Variants in MB observed in about 807,000 individuals in gnomAD.
MB encodes nitrite reductase MB.
Under a neutral mutation model 14.5 loss-of-function variants are expected in MB, and 10 were observed. The observed-to-expected ratio is 0.69, with a 90% CI of 0.43 to 1.17. MB has a LOEUF of 1.17. MB is among the 50% of genes most tolerant of loss of function. The pLI, the probability that MB is intolerant of heterozygous loss-of-function variation, is 0.00. For synonymous variants in MB, 89 were observed against 78.6 expected (o/e 1.13, Z -0.70); for missense variants, 169 against 192.7 (o/e 0.88, Z 0.73).
upstream of MB, chr22:35,617,510 T>C: frequency 1.9e-6 from 1 of 525,082 alleles, no homozygotes; most frequent in Non-Finnish European, 3.4e-6. Flanking sequence ...GGTGCCATTG[T>C]GGCGAGGCAG....
At position 35,607,221 on chromosome 22, in the gene MB, T is replaced by C. The variant is rs112163681; in HGVS notation, c.*76A>G. 6.7e-7 allele frequency: 1 copy of C among 1,500,162 alleles called. No individual in the cohort carries two copies. The allele number at this position is 1,500,162 out of a possible 1,614,324, so 92.9% of individuals were successfully genotyped here. ...AGCAGACACTCAGAAGCAAACTCTATATGGCTACACGAGATCAGACCCCGC... is the reference window on the plus strand; with the variant it reads ...AGCAGACACTCAGAAGCAAACTCTACATGGCTACACGAGATCAGACCCCGC... On this transcript the variant is annotated 3_prime_UTR_variant, in exon 3 of 3. Coordinates refer to ENST00000397326, the MANE Select transcript of MB (RefSeq NM_005368.3).
upstream of MB, among the ~76,000 whole-genome samples, chr22:35,618,234 G>A (rs1055428702): frequency 6.6e-6 from 1 of 152,190 alleles, no homozygotes; most frequent in Non-Finnish European, 1.5e-5. Flanking sequence ...TGGCAGAGTT[G>A]GGATTTGAAC....
At chr22:35,622,567 G>T (rs1266400510) in intron 1 of MB, 1 of 152,458 alleles carries the variant, frequency 6.6e-6, no homozygotes, top group East Asian at 1.9e-4. Flanking sequence ...ATAGCAGCCG[G>T]GGAGAGGCAC....
At chr22:35,609,980 T>C (rs1337629698) in intron 2 of MB, among the ~76,000 whole-genome samples, 1 of 152,180 alleles carries the variant, frequency 6.6e-6, no homozygotes, top group Non-Finnish European at 1.5e-5. Context: ...GCTCTTGCAG[T>C]CATTTTGGCC....
upstream of MB, among the ~76,000 whole-genome samples, chr22:35,618,856 A>G (rs1036777227): frequency 2.0e-5 from 3 of 148,484 alleles, no homozygotes; most frequent in African/African-American, 7.5e-5. Flanking sequence ...TTATCCCTCC[A>G]TTCATCATCC....
At chr22:35,607,627 AG>A (rs1247313452) in intron 2 of MB, among the ~76,000 whole-genome samples, 184 bp from the exon 3 acceptor site, 1 of 152,206 alleles carries the variant, frequency 6.6e-6, no homozygotes, top group Non-Finnish European at 1.5e-5. Flanking sequence ...AACCACTGTG[AG>A]ATAGATACTA....
chr22:35,611,210 T>C (rs746485767), intron 1 of MB, 104 bp from the exon 2 acceptor site: 150 of 793,796 alleles, frequency 1.9e-4, no homozygotes, highest in Admixed American at 4.4e-4. Flanking sequence ...CCCAGCTGTG[T>C]GACCTTGGGC....
At chr22:35,622,595 G>A (rs1273593855) in intron 1 of MB, 1 of 152,436 alleles carries the variant, frequency 6.6e-6, no homozygotes, top group South Asian at 2.1e-4. Context: ...TAAAAATACA[G>A]TTTACATGGC....
chr22:35,611,379 C>G (rs1030484091), intron 1 of MB, among the ~76,000 whole-genome samples: 1 of 152,184 alleles, frequency 6.6e-6, no homozygotes, highest in East Asian at 1.9e-4. Context: ...GATGTGGAAA[C>G]CGAGGTTCTG....
chr22:35,623,354 C>T (rs1923582119), exon 1 of MB: 1 of 152,296 alleles, frequency 6.6e-6, no homozygotes, highest in Admixed American at 6.5e-5. Context: ...CCAACATGCT[C>T]TTTGATTGTT....
chr22:35,617,996 G>T (rs757259055), upstream of MB, among the ~76,000 whole-genome samples: 2 of 152,060 alleles, frequency 1.3e-5, no homozygotes, highest in African/African-American at 4.8e-5. Flanking sequence ...CTGTTGCATT[G>T]CTTCCCAAAG....
chr22:35,607,562 A>C (rs895244514), intron 2 of MB, 119 bp from the exon 3 acceptor site: 5 of 929,072 alleles, frequency 5.4e-6, no homozygotes, highest in Non-Finnish European at 4.9e-6. Context: ...AGCACTTGCT[A>C]GGCACCAGGT....
At chr22:35,612,703 C>G (rs1922734367) in intron 1 of MB, among the ~76,000 whole-genome samples, 1 of 152,162 alleles carries the variant, frequency 6.6e-6, no homozygotes, top group South Asian at 2.1e-4. Context: ...GGGATTTAAC[C>G]CAGGCAGTCT....
At chr22:35,618,755 T>A (rs1439423687), upstream of MB, among the ~76,000 whole-genome samples, 2 of 151,534 alleles carry the variant, frequency 1.3e-5, no homozygotes, top group Non-Finnish European at 2.9e-5. Context: ...TATCCATCCA[T>A]CCATGTGTTC....
chr22:35,618,072 G>A (rs1923216893), upstream of MB, among the ~76,000 whole-genome samples: 3 of 152,158 alleles, frequency 2.0e-5, no homozygotes, highest in African/African-American at 7.2e-5. Flanking sequence ...GCACTCACAA[G>A]AGACTTTGCT....
chr22:35,618,172 C>T (rs45563837), upstream of MB, among the ~76,000 whole-genome samples: 784 of 152,226 alleles, frequency 5.2e-3, 2 homozygotes, highest in Non-Finnish European at 5.6e-3. Context: ...TGACATTATC[C>T]CTATTTAATT....
chr22:35,615,229 G>A (rs1922980347), intron 1 of MB, among the ~76,000 whole-genome samples: 2 of 152,118 alleles, frequency 1.3e-5, no homozygotes, highest in Admixed American at 1.3e-4. Context: ...CAACTCTCAC[G>A]GGTGGCATTT....
chr22:35,620,061 C>A (rs1007927509), upstream of MB, among the ~76,000 whole-genome samples: 23 of 152,170 alleles, frequency 1.5e-4, no homozygotes, highest in East Asian at 3.8e-3. Context: ...GGGGGCCGGG[C>A]GTGGTGGCTC....
intron 1 of MB, among the ~76,000 whole-genome samples, chr22:35,611,911 C>G (rs561672493): frequency 6.6e-6 from 1 of 152,290 alleles, no homozygotes; most frequent in African/African-American, 2.4e-5. Flanking sequence ...GACCTCAGTC[C>G]TTCCTGCTGT....
Sources: allele counts gnomAD v4.1 joint callset (sites outside exome capture counted in the v4.1 genomes callset), GRCh38; gene constraint gnomAD v4.1.1; transcripts MANE v1.5; gene names NCBI Gene and HGNC (gene_info 2026-07-23, HGNC 2026-07-21).